Variants in STARD3NL observed in about 807,000 individuals in gnomAD.
The protein encoded by STARD3NL is STARD3 N-terminal-like protein.
In STARD3NL, 17 loss-of-function variants were observed where a neutral mutation model predicts 30.9. The ratio of observed to expected loss-of-function variants is 0.55; its 90% CI spans 0.38 to 0.82. The LOEUF (loss-of-function observed/expected upper bound fraction) is 0.82. STARD3NL is among the 40% of genes least tolerant of loss of function. The pLI, the probability that STARD3NL is intolerant of heterozygous loss-of-function variation, is 0.00. For synonymous variants in STARD3NL, 112 were observed against 100.5 expected (o/e 1.11, Z -0.69); for missense variants, 234 against 277.6 (o/e 0.84, Z 1.12).
intron 1 of STARD3NL, among the ~76,000 whole-genome samples, chr7:38,178,735 TG>T (rs1236648573): frequency 2.0e-5 from 3 of 152,132 alleles, no homozygotes; most frequent in Non-Finnish European, 2.9e-5. Flanking sequence ...GAGTCCCCGG[TG>T]GGGTCGGCCC....
At chr7:38,182,122 A>T (rs903301227) in intron 1 of STARD3NL, among the ~76,000 whole-genome samples, 6 of 152,198 alleles carry the variant, frequency 3.9e-5, no homozygotes, top group South Asian at 2.1e-4. Flanking sequence ...ACTTGAGCTT[A>T]AAAAACTTGA....
intron 1 of STARD3NL, among the ~76,000 whole-genome samples, chr7:38,184,844 C>CTATATATATGCTGCCTA (rs1417848207): frequency 2.1e-5 from 3 of 145,750 alleles, no homozygotes; most frequent in African/African-American, 7.6e-5. Context: ...AGCATATATA[C>CTATATATATGCTGCCTA]TATATATATG....
At chr7:38,229,382 G>A (rs1404092976) in intron 8 of STARD3NL, among the ~76,000 whole-genome samples, 2 of 152,246 alleles carry the variant, frequency 1.3e-5, no homozygotes, top group African/African-American at 4.8e-5. Context: ...AAGGATTTTG[G>A]AGCCTCTGAG....
chr7:38,182,388 A>T (rs1391343145), intron 1 of STARD3NL, among the ~76,000 whole-genome samples: 1 of 152,172 alleles, frequency 6.6e-6, no homozygotes, highest in Non-Finnish European at 1.5e-5. Flanking sequence ...CTCTGTGTTT[A>T]TGGTATTGGA....
chr7:38,221,061 A>G (rs907645705), intron 7 of STARD3NL, among the ~76,000 whole-genome samples: 13 of 152,260 alleles, frequency 8.5e-5, no homozygotes, highest in Non-Finnish European at 1.5e-4. Context: ...GGACTGTCGT[A>G]TGATTTCACT....
chr7:38,216,484 AGTGT>A (rs374049044), intron 4 of STARD3NL: 42 of 116,564 alleles, frequency 3.6e-4, no homozygotes, highest in African/African-American at 1.8e-3. Context: ...TGTGTGTGTG[AGTGT>A]GTGTGTGTGT....
At chr7:38,184,501 A>C (rs73348628) in intron 1 of STARD3NL, among the ~76,000 whole-genome samples, 10,205 of 151,572 alleles carry the variant, frequency 0.067, 1,152 homozygotes, top group African/African-American at 0.23. Context: ...CAAGAGCGGG[A>C]GCAAGAGAGA....
At position 38,203,063 on chromosome 7, in the gene STARD3NL, G is replaced by C. The variant is rs565754733; in HGVS notation, c.-58-4384G>C. Among the ~76,000 whole-genome samples, 94 of 152,236 alleles carry C rather than the reference G, an allele frequency of 6.2e-4. No homozygotes were observed. The South Asian group carries it at 0.019, about 30-fold the overall frequency. On this transcript the variant is annotated intron_variant, in intron 1 of 8. Transcript: ENST00000009041. ...GTGCAAGTTGGAAAACACTCTGCAG[G>C]ATATTATCCAGGAGAACTTCCCCAA...
intron 1 of STARD3NL, among the ~76,000 whole-genome samples, chr7:38,187,912 A>G (rs1784526948): frequency 6.6e-6 from 1 of 151,854 alleles, no homozygotes; most frequent in Non-Finnish European, 1.5e-5. Flanking sequence ...TTTAGTCCTC[A>G]TTTTCTCCCA....
chr7:38,182,608 C>T (rs1419274505), intron 1 of STARD3NL, among the ~76,000 whole-genome samples: 6 of 152,146 alleles, frequency 3.9e-5, no homozygotes, highest in Non-Finnish European at 8.8e-5. Flanking sequence ...ATCAGTACAG[C>T]TCAGGCCTTT....
Position 38,214,411 on chromosome 7 carries a change from T to C in STARD3NL, c.280T>C (p.Tyr94His). ...LEKEVMQYDY[Y>H]SSYFDIFLLA... is the part of the protein sequence containing the mutation. ...GAAGGAGGTGATGCAGTATGACTAC[T>C]ATTCTTCATATTTTGATATATTTGT... is the stretch of plus-strand genomic sequence containing the variant. Residue 94 changes from tyrosine to histidine, a missense_variant, in exon 3 of 9, where the codon TAT becomes CAT. Tyr to His is a moderately conservative substitution (Grantham distance 83). Transcript: ENST00000009041. The C allele has an allele frequency of 6.2e-7, 1 of 1,600,770 alleles. No individual in the cohort carries two copies. The highest frequency in any genetic ancestry group is 8.5e-7 in the Non-Finnish European group (1 of 1,169,676).
intron 1 of STARD3NL, among the ~76,000 whole-genome samples, chr7:38,186,321 G>C (rs764508023): frequency 1.3e-5 from 2 of 152,126 alleles, no homozygotes; most frequent in Non-Finnish European, 2.9e-5. Context: ...GATTTTTTAG[G>C]ACGGCTAAAA....
At chr7:38,183,866 T>G (rs1784345579) in intron 1 of STARD3NL, among the ~76,000 whole-genome samples, 1 of 152,204 alleles carries the variant, frequency 6.6e-6, no homozygotes, top group Admixed American at 6.5e-5. Context: ...GCATATAATA[T>G]ACCAAGGGAG....
chr7:38,200,513 T>G (rs901367222), intron 1 of STARD3NL, among the ~76,000 whole-genome samples: 8 of 152,192 alleles, frequency 5.3e-5, no homozygotes, highest in African/African-American at 1.9e-4. Context: ...CTCAAATACA[T>G]TTGTATTTAG....
intron 1 of STARD3NL, among the ~76,000 whole-genome samples, chr7:38,206,996 GC>G (rs1322630416): frequency 1.3e-5 from 2 of 152,116 alleles, no homozygotes; most frequent in Non-Finnish European, 2.9e-5. Flanking sequence ...TTGGAAATAA[GC>G]TTTTTTATAG....
intron 2 of STARD3NL, among the ~76,000 whole-genome samples, chr7:38,209,611 A>G (rs1785683619): frequency 6.6e-6 from 1 of 152,126 alleles, no homozygotes; most frequent in African/African-American, 2.4e-5. Flanking sequence ...CAGGAAACAC[A>G]TCAGTAGTTT....
intron 1 of STARD3NL, among the ~76,000 whole-genome samples, chr7:38,199,603 G>T (rs1038593543): frequency 6.6e-6 from 1 of 152,164 alleles, no homozygotes; most frequent in African/African-American, 2.4e-5. Flanking sequence ...GAGCTTGGGG[G>T]AAATGCATCT....
chr7:38,219,526 G>A (rs2116378710), intron 6 of STARD3NL, 39 bp from the exon 7 acceptor site: 1 of 1,473,472 alleles, frequency 6.8e-7, no homozygotes, highest in Non-Finnish European at 9.4e-7. Flanking sequence ...TACCAGAAAG[G>A]TGACCTCATT....
intron 1 of STARD3NL, among the ~76,000 whole-genome samples, chr7:38,186,731 A>T (rs560164263): frequency 1.7e-4 from 26 of 152,226 alleles, no homozygotes; most frequent in Non-Finnish European, 3.4e-4. Flanking sequence ...CATATAGCCT[A>T]GGTGTACAGT....
Sources: gnomAD v4.1 joint callset for allele counts (sites outside exome capture counted in the v4.1 genomes callset) on GRCh38, gnomAD v4.1.1 for gene constraint, MANE v1.5 for transcripts, NCBI Gene and HGNC (gene_info 2026-07-23, HGNC 2026-07-21) for gene names.